The following AGMO variants were observed in gnomAD, a reference collection of about 807,000 sequenced individuals.
The protein encoded by AGMO is glyceryl-ether monooxygenase.
A neutral mutation model predicts 60.2 loss-of-function variants in AGMO; 75 were observed. The ratio of observed to expected loss-of-function variants is 1.25; its 90% CI spans 1.03 to 1.51. AGMO has a LOEUF of 1.51. AGMO is among the 40% of genes most tolerant of loss of function. The pLI, the probability that AGMO is intolerant of heterozygous loss-of-function variation, is 0.00. For synonymous variants in AGMO, 261 were observed against 177.1 expected (o/e 1.47, Z -3.76); for missense variants, 763 against 525.5 (o/e 1.45, Z -4.42).
intron 8 of AGMO, among the ~76,000 whole-genome samples, chr7:15,390,100 TCA>T (rs775448177): frequency 6.6e-6 from 1 of 152,108 alleles, no homozygotes; most frequent in Non-Finnish European, 1.5e-5. Context: ...GATCAGAGCT[TCA>T]CAGACATTCC....
chr7:15,443,529 T>C (rs1781620153), intron 3 of AGMO, among the ~76,000 whole-genome samples: 1 of 152,214 alleles, frequency 6.6e-6, no homozygotes, highest in South Asian at 2.1e-4. Context: ...ATTGTCAGCA[T>C]CCTTCCTTTG....
intron 12 of AGMO, among the ~76,000 whole-genome samples, chr7:15,279,493 G>A (rs952035674): frequency 5.9e-5 from 9 of 151,830 alleles, no homozygotes; most frequent in African/African-American, 1.9e-4. Flanking sequence ...TTTTTAATAA[G>A]CTTTTTCAAA....
chr7:15,140,630 T>A, the AGMO span, among the ~76,000 whole-genome samples: 1 of 152,136 alleles, frequency 6.6e-6, no homozygotes, highest in Non-Finnish European at 1.5e-5. Flanking sequence ...TATTTTCTAG[T>A]TCATCGGTTC....
intron 12 of AGMO, among the ~76,000 whole-genome samples, chr7:15,263,117 G>T (rs1276857062): frequency 1.3e-5 from 2 of 151,938 alleles, no homozygotes; most frequent in Non-Finnish European, 2.9e-5. Flanking sequence ...CACAGCAAAA[G>T]AAATAAACAG....
chr7:15,317,022 G>C (rs1310759531), intron 12 of AGMO, among the ~76,000 whole-genome samples: 3 of 152,052 alleles, frequency 2.0e-5, no homozygotes, highest in Admixed American at 2.0e-4. Context: ...ATCCACATGT[G>C]GCATTGTTAT....
chr7:15,255,070 A>G (rs914283465), intron 12 of AGMO, among the ~76,000 whole-genome samples: 7 of 152,318 alleles, frequency 4.6e-5, no homozygotes, highest in Admixed American at 4.6e-4. Flanking sequence ...GACATGGATG[A>G]AGCTGGAAAC....
chr7:15,210,238 AG>A (rs1781549970), intron 12 of AGMO, among the ~76,000 whole-genome samples: 1 of 152,124 alleles, frequency 6.6e-6, no homozygotes, highest in Non-Finnish European at 1.5e-5. Flanking sequence ...CCAGGCAAAA[AG>A]CAATCAGATA....
At chr7:15,412,770 C>T (rs928449573) in intron 5 of AGMO, among the ~76,000 whole-genome samples, 5 of 149,800 alleles carry the variant, frequency 3.3e-5, no homozygotes, top group Non-Finnish European at 5.9e-5. Context: ...AGGCTAAAGG[C>T]GGTGCCAAAA....
Position 15,266,319 on chromosome 7 carries a change from A to T in AGMO, c.1264-64960T>A, listed in dbSNP as rs544679060. Among the ~76,000 whole-genome samples the T allele has an allele frequency of 2.0e-5, 3 of 152,170 alleles. No individual in the cohort carries two copies. The South Asian group carries it at 6.2e-4, about 32-fold the overall frequency. On this transcript the variant is annotated intron_variant, in intron 12 of 12. Transcript: ENST00000342526. ...CGGTGAAGATGGATGTTCATTATAAATGTACATCCTCTCATTGAAATAAAC... is the reference window on the plus strand; with the variant it reads ...CGGTGAAGATGGATGTTCATTATAATTGTACATCCTCTCATTGAAATAAAC...
Position 15,478,184 on chromosome 7 carries a change from G to T in AGMO, c.410-47076C>A, listed in dbSNP as rs73679614. Among the ~76,000 whole-genome samples, 1,305 of 152,234 alleles carry T rather than the reference G, an allele frequency of 8.6e-3. 19 individuals are homozygous for T. Among genetic ancestry groups the T allele is most frequent in the African/African-American group, 0.03 (1,226 of 41,544 alleles). ...ATCGCTGAAGCCTTAATTAGAAAAT[G>T]GGCATGGAAGAGTGGAGAAAGTCCT... is the stretch of plus-strand genomic sequence containing the variant. On this transcript the variant is annotated intron_variant, in intron 3 of 12. Coordinates refer to ENST00000342526, the MANE Select transcript of AGMO (RefSeq NM_001004320.2).
the AGMO span, among the ~76,000 whole-genome samples, chr7:15,161,675 C>CTATATG: frequency 6.6e-6 from 1 of 150,900 alleles, no homozygotes; most frequent in East Asian, 2.0e-4. Context: ...TGGATTAATG[C>CTATATG]TATATGTATA....
intron 3 of AGMO, among the ~76,000 whole-genome samples, chr7:15,468,770 T>C (rs1444731388): frequency 6.6e-6 from 1 of 152,240 alleles, no homozygotes; most frequent in East Asian, 1.9e-4. Context: ...GACTTGCTTA[T>C]CAAATGTCTG....
At chr7:15,186,286 T>G in the AGMO span, among the ~76,000 whole-genome samples, 1 of 152,224 alleles carries the variant, frequency 6.6e-6, no homozygotes, top group Non-Finnish European at 1.5e-5. Flanking sequence ...GAATGCAGAT[T>G]GCAGGATTGT....
chr7:15,276,015 G>A (rs1356720622), intron 12 of AGMO, among the ~76,000 whole-genome samples: 1 of 152,016 alleles, frequency 6.6e-6, no homozygotes, highest in Non-Finnish European at 1.5e-5. Context: ...GAGCAGATAG[G>A]CCATTTATTT....
the AGMO span, among the ~76,000 whole-genome samples, chr7:15,169,712 C>T: frequency 3.3e-5 from 5 of 152,008 alleles, no homozygotes; most frequent in African/African-American, 1.2e-4. Flanking sequence ...GCTGGGGTTA[C>T]AGGCGTGAGA....
chr7:15,128,079 G>C, the AGMO span, among the ~76,000 whole-genome samples: 4 of 152,108 alleles, frequency 2.6e-5, no homozygotes, highest in African/African-American at 9.6e-5. Flanking sequence ...CCTCCTCTCT[G>C]TTTAGAGCAT....
rs879374311 is a variant in AGMO at position 15,456,134 on chromosome 7, T to G, written c.410-25026A>C. Among the ~76,000 whole-genome samples the G allele has an allele frequency of 1.4e-4, 22 of 152,250 alleles. No individual in the cohort carries two copies. In the South Asian group the frequency reaches 1.5e-3, roughly 10 times the overall value. On this transcript the variant is annotated intron_variant, in intron 3 of 12. Coordinates refer to ENST00000342526, the MANE Select transcript of AGMO (RefSeq NM_001004320.2). Reference sequence around the variant, plus strand: ...TATCTTATGGAAGATTTTCTCAAGCTTATATTCCAAACCGTGTTTGGATAA... The same window carrying G: ...TATCTTATGGAAGATTTTCTCAAGCGTATATTCCAAACCGTGTTTGGATAA...
At chr7:15,432,361 T>TATACATATATATATATATACACAC (rs370437254) in intron 3 of AGMO, among the ~76,000 whole-genome samples, 1 of 123,940 alleles carries the variant, frequency 8.1e-6, no homozygotes, top group African/African-American at 3.0e-5. Context: ...CATATATATA[T>TATACATATATATATATATACACAC]ACACACACAT....
At chr7:15,357,876 G>A (rs561580417) in intron 12 of AGMO, among the ~76,000 whole-genome samples, 1 of 152,146 alleles carries the variant, frequency 6.6e-6, no homozygotes, top group African/African-American at 2.4e-5. Context: ...AAGCCATTAA[G>A]TTTTGGCTTG....
Sources: gnomAD v4.1 joint callset for allele counts (sites outside exome capture counted in the v4.1 genomes callset) on GRCh38, gnomAD v4.1.1 for gene constraint, MANE v1.5 for transcripts, NCBI Gene and HGNC (gene_info 2026-07-23, HGNC 2026-07-21) for gene names.